DCDC2C: variants seen among roughly 807,000 people sequenced by gnomAD.
DCDC2C encodes doublecortin domain containing 2C.
DCDC2C carries 44 observed loss-of-function variants against 45.0 expected under a neutral mutation model. That is an observed-to-expected ratio of 0.98 (90% confidence interval 0.77 to 1.26). DCDC2C has a LOEUF of 1.26. Ranked by LOEUF, DCDC2C falls within the 50% of genes most tolerant of loss-of-function variation. The probability of loss-of-function intolerance (pLI) is 0.00; values close to 1 mark genes in which losing one functional copy is unlikely to be tolerated. For synonymous variants in DCDC2C, 187 were observed against 178.8 expected (o/e 1.05, Z -0.37); for missense variants, 447 against 468.9 (o/e 0.95, Z 0.43).
At chr2:3,773,491 T>C (rs532366273) in intron 8 of DCDC2C, among the ~76,000 whole-genome samples, 118 of 152,306 alleles carry the variant, frequency 7.7e-4, no homozygotes, top group Middle Eastern at 3.4e-3. Context: ...ATTTTTACAC[T>C]AAAGTCTCGA....
intron 10 of DCDC2C, among the ~76,000 whole-genome samples, chr2:3,830,620 C>G (rs1321251674): frequency 1.3e-5 from 2 of 152,170 alleles, no homozygotes; most frequent in East Asian, 1.9e-4. Context: ...GAGCAGGAAG[C>G]TGCACCCCGT....
intron 2 of DCDC2C, among the ~76,000 whole-genome samples, chr2:3,714,995 C>T (rs1668313399): frequency 6.6e-6 from 1 of 152,182 alleles, no homozygotes; most frequent in African/African-American, 2.4e-5. Context: ...AAAACATATT[C>T]ATAATCCTAT....
chr2:3,720,587 A>G, intron 2 of DCDC2C, among the ~76,000 whole-genome samples: 1 of 152,142 alleles, frequency 6.6e-6, no homozygotes, highest in Non-Finnish European at 1.5e-5. Flanking sequence ...AAGGGGAGAA[A>G]CTCTCAATGG....
At chr2:3,845,062 A>C (rs545559519) in intron 10 of DCDC2C, among the ~76,000 whole-genome samples, 2 of 152,344 alleles carry the variant, frequency 1.3e-5, no homozygotes, top group African/African-American at 4.8e-5. Context: ...TGGACAGTAG[A>C]ATCCTATGTA....
In DCDC2C at chr2:3,762,593, G is replaced by A. The variant is rs150574132; in HGVS notation, c.727-5161G>A. The stretch of plus-strand genomic sequence containing the variant: ...AACACAGGAGCAAGAGAGAGAGTCG[G>A]GGGGAGCAGGGGAGGTACCACACAC... On this transcript the variant is annotated intron_variant, in intron 6 of 10. Transcript: ENST00000399143. Among the ~76,000 whole-genome samples, 437 of 152,124 alleles carry A rather than the reference G, an allele frequency of 2.9e-3. 3 individuals are homozygous for A. Among genetic ancestry groups the A allele is most frequent in the African/African-American group, 0.01 (420 of 41,476 alleles).
chr2:3,737,265 G>C (rs533901941), intron 3 of DCDC2C, among the ~76,000 whole-genome samples: 118 of 152,276 alleles, frequency 7.7e-4, no homozygotes, highest in Admixed American at 1.8e-3. Flanking sequence ...GTTCAAATGT[G>C]GAGAACTTTT....
At chr2:3,766,413 C>A (rs1354869652) in intron 6 of DCDC2C, among the ~76,000 whole-genome samples, 1 of 152,068 alleles carries the variant, frequency 6.6e-6, no homozygotes, top group Non-Finnish European at 1.5e-5. Flanking sequence ...AAGAATCAAC[C>A]AGACTTTCAG....
chr2:3,720,965 C>T (rs138936322), intron 2 of DCDC2C, among the ~76,000 whole-genome samples: 3,342 of 152,212 alleles, frequency 0.022, 63 homozygotes, highest in Admixed American at 0.06. Context: ...CAGGTTATTT[C>T]TTCTTGAGTA....
At chr2:3,709,099 C>T (rs1253328754) in intron 2 of DCDC2C, among the ~76,000 whole-genome samples, 1 of 152,162 alleles carries the variant, frequency 6.6e-6, no homozygotes, top group Non-Finnish European at 1.5e-5. Flanking sequence ...TTTAAAGAGA[C>T]ATGCCTTTTT....
At chr2:3,802,261 T>C (rs1671132601) in intron 10 of DCDC2C, among the ~76,000 whole-genome samples, 1 of 152,256 alleles carries the variant, frequency 6.6e-6, no homozygotes, top group Non-Finnish European at 1.5e-5. Context: ...CAACGCCTTC[T>C]GGCAATTTTT....
At chr2:3,835,939 T>C (rs1672064781) in intron 10 of DCDC2C, among the ~76,000 whole-genome samples, 1 of 152,142 alleles carries the variant, frequency 6.6e-6, no homozygotes, top group Non-Finnish European at 1.5e-5. Flanking sequence ...AGACAGGGTC[T>C]TGCTATGTTG....
chr2:3,725,442 ACGAGCAGAGAGGGAGGAGGC>A (rs1668621924), intron 2 of DCDC2C, among the ~76,000 whole-genome samples: 1 of 104,556 alleles, frequency 9.6e-6, no homozygotes, highest in South Asian at 4.5e-4. Context: ...CCAGAGGAAG[ACGAGCAGAGAGGGAGGAGGC>A]TGCCCGGTGG....
rs147295560 is a variant in DCDC2C at position 3,741,073 on chromosome 2, A to G, written c.417-847A>G. On this transcript the variant is annotated intron_variant, in intron 3 of 10. Coordinates refer to ENST00000399143, the MANE Select transcript of DCDC2C (RefSeq NM_001287444.2). Reference sequence around the variant, plus strand: ...TATTGCATGTGTCTTTGATTATGGCATAGTCTCATGAACACTACTAACTTT... The same window carrying G: ...TATTGCATGTGTCTTTGATTATGGCGTAGTCTCATGAACACTACTAACTTT... Among the ~76,000 whole-genome samples the G allele has an allele frequency of 4.6e-5, 7 of 152,350 alleles. No individual in the cohort carries two copies. In the East Asian group the frequency reaches 9.6e-4, roughly 21 times the overall value.
At chr2:3,771,155 TGCGTG>T (rs1670154978) in intron 8 of DCDC2C, among the ~76,000 whole-genome samples, 1 of 152,242 alleles carries the variant, frequency 6.6e-6, no homozygotes, top group African/African-American at 2.4e-5. Flanking sequence ...GCATCCTCCG[TGCGTG>T]GCGAGAGCAG....
intron 10 of DCDC2C, among the ~76,000 whole-genome samples, chr2:3,800,818 G>C (rs527359494): frequency 8.1e-6 from 1 of 124,144 alleles, no homozygotes; most frequent in Admixed American, 8.6e-5. Context: ...GAGTGATTTG[G>C]TGGCAGTGAG....
Position 3,778,861 on chromosome 2 carries a change from A to G in DCDC2C, c.1000A>G (p.Thr334Ala). 2 of 1,550,938 alleles carry G rather than the reference A, an allele frequency of 1.3e-6. No homozygotes were observed. The highest frequency in any genetic ancestry group is 2.4e-5 in the East Asian group (1 of 40,912). The change falls in exon 9 of 11, where the codon ACC becomes GCC. Residue 334 changes from threonine (T) to alanine (A), a missense_variant. Coordinates refer to ENST00000399143, the MANE Select transcript of DCDC2C (RefSeq NM_001287444.2). Reference sequence around the variant, plus strand: ...AGAAGATGAAGAGATACATGAGAACACCCCTGATTTTGAGGGCAACAAGGT... The same window carrying G: ...AGAAGATGAAGAGATACATGAGAACGCCCCTGATTTTGAGGGCAACAAGGT... ...VKEDEEIHEN[T>A]PDFEGNKDKE...
At chr2:3,729,264 C>T (rs769539721) in intron 3 of DCDC2C, among the ~76,000 whole-genome samples, 1 of 152,162 alleles carries the variant, frequency 6.6e-6, no homozygotes, top group Non-Finnish European at 1.5e-5. Flanking sequence ...GAGAAGAGCC[C>T]ACCCCAGGGC....
chr2:3,804,277 A>C (rs1671181682), intron 10 of DCDC2C, among the ~76,000 whole-genome samples: 1 of 152,240 alleles, frequency 6.6e-6, no homozygotes, highest in African/African-American at 2.4e-5. Flanking sequence ...CAGCCTCTGC[A>C]ATGGAAATTT....
chr2:3,767,076 CT>C (rs1188684278), intron 6 of DCDC2C, among the ~76,000 whole-genome samples: 1 of 152,248 alleles, frequency 6.6e-6, no homozygotes, highest in East Asian at 1.9e-4. Flanking sequence ...TAAGGTAGGG[CT>C]GCGCCATGAT....
Sources: allele counts gnomAD v4.1 joint callset (sites outside exome capture counted in the v4.1 genomes callset), GRCh38; gene constraint gnomAD v4.1.1; transcripts MANE v1.5; gene names NCBI Gene and HGNC (gene_info 2026-07-23, HGNC 2026-07-21).